KIAA0825: variants seen among roughly 807,000 people sequenced by gnomAD.
KIAA0825 encodes KIAA0825.
KIAA0825 carries 119 observed loss-of-function variants against 147.6 expected under a neutral mutation model. The ratio of observed to expected loss-of-function variants is 0.81; its 90% CI spans 0.69 to 0.94. The LOEUF (loss-of-function observed/expected upper bound fraction) is 0.94, where lower values mean the gene tolerates loss of function less well. Among genes scored for constraint, KIAA0825 ranks in the 40% least tolerant of loss-of-function variants. KIAA0825 has a pLI of 0.00. For missense variants in KIAA0825, 1,381 were observed against 1,472.7 expected (o/e 0.94, Z 1.02); for synonymous variants, 470 against 518.1 (o/e 0.91, Z 1.26).
In KIAA0825 at chr5:94,504,238, T is replaced by TA. The variant is rs761935203; in HGVS notation, c.970+16009dup. On this transcript the variant is annotated intron_variant, in intron 5 of 20. Coordinates refer to ENST00000682413, the MANE Select transcript of KIAA0825 (RefSeq NM_001145678.3). Reference sequence around the variant, plus strand: ...AAGAATAAAGGCTGTCTTAGCCTTATACTAAATTATCTCAAGTAGGTAGAG... The same window carrying TA: ...AAGAATAAAGGCTGTCTTAGCCTTATAACTAAATTATCTCAAGTAGGTAGAG... Among the ~76,000 whole-genome samples, 16 of 152,268 alleles carry TA rather than the reference T, an allele frequency of 1.1e-4. 1 individual carries two copies. In the South Asian group the frequency reaches 3.3e-3, roughly 32 times the overall value.
intron 14 of KIAA0825, among the ~76,000 whole-genome samples, chr5:94,431,202 G>A (rs1388445272): frequency 1.3e-5 from 2 of 152,166 alleles, no homozygotes; most frequent in Non-Finnish European, 2.9e-5. Context: ...TCCAGGCAAT[G>A]CACTGAGTAC....
At chr5:94,578,099 T>G (rs772668259) in intron 2 of KIAA0825, among the ~76,000 whole-genome samples, 3 of 152,216 alleles carry the variant, frequency 2.0e-5, no homozygotes, top group Non-Finnish European at 4.4e-5. Context: ...TATCCCTTTA[T>G]GTGGTGAGCT....
chr5:94,326,855 T>C (rs1389460044), intron 20 of KIAA0825, among the ~76,000 whole-genome samples: 3 of 152,224 alleles, frequency 2.0e-5, no homozygotes, highest in Non-Finnish European at 4.4e-5. Flanking sequence ...CACTCTGGCC[T>C]GTAAACTAGG....
chr5:94,201,616 G>GT (rs559774245), intron 20 of KIAA0825, among the ~76,000 whole-genome samples: 9,210 of 143,152 alleles, frequency 0.064, 913 homozygotes, highest in African/African-American at 0.21. Context: ...TGGTTTTTTG[G>GT]TTTTTTTTTT....
intron 2 of KIAA0825, among the ~76,000 whole-genome samples, chr5:94,551,280 A>G (rs1775489277): frequency 6.6e-6 from 1 of 152,052 alleles, no homozygotes; most frequent in South Asian, 2.1e-4. Context: ...AAGGACAAAG[A>G]TATACAAACC....
chr5:94,435,327 T>G, intron 14 of KIAA0825, among the ~76,000 whole-genome samples: 1 of 130,574 alleles, frequency 7.7e-6, no homozygotes, highest in Non-Finnish European at 1.6e-5. Flanking sequence ...TGTTGTTTCC[T>G]GCATGTGTTC....
chr5:94,411,143 T>C (rs1249614471), intron 15 of KIAA0825, among the ~76,000 whole-genome samples: 2 of 152,114 alleles, frequency 1.3e-5, no homozygotes, highest in Non-Finnish European at 2.9e-5. Context: ...TATAATGTTA[T>C]TAAAAAGTAA....
At chr5:94,520,122 T>A (rs1355420415) in intron 5 of KIAA0825, 126 bp downstream of exon 5, 1 of 1,242,332 alleles carries the variant, frequency 8.0e-7, no homozygotes, top group African/African-American at 1.5e-5. Flanking sequence ...ACTGCAAAAT[T>A]TCATTACATT....
intron 20 of KIAA0825, among the ~76,000 whole-genome samples, chr5:94,310,194 T>C (rs1048808585): frequency 8.6e-5 from 13 of 151,696 alleles, no homozygotes; most frequent in Admixed American, 2.6e-4. Context: ...GCTTTATCTC[T>C]ATTTCTTGTT....
intron 20 of KIAA0825, among the ~76,000 whole-genome samples, chr5:94,163,381 C>G (rs1407032025): frequency 6.6e-6 from 1 of 152,062 alleles, no homozygotes; most frequent in African/African-American, 2.4e-5. Context: ...TCCCAATAAC[C>G]TTTTCCTTCT....
chr5:94,537,437 G>A lies in KIAA0825; in HGVS notation c.-1-310C>T, dbSNP rs1006806436. ...GAGGCCGAGGCGGGTGGATCACGAG[G>A]TCAGGAGATTGAGACCATCCTGGCT... On this transcript the variant is annotated intron_variant, in intron 2 of 20. Transcript: ENST00000682413. 2.6e-5 allele frequency among the ~76,000 whole-genome samples: 4 copies of A among 152,044 alleles called. No individual in the cohort carries two copies. In the East Asian group the frequency reaches 7.7e-4, roughly 29 times the overall value.
chr5:94,221,407 T>C (rs1165025567), intron 20 of KIAA0825, among the ~76,000 whole-genome samples: 1 of 152,226 alleles, frequency 6.6e-6, no homozygotes, highest in Non-Finnish European at 1.5e-5. Flanking sequence ...AGATTACTTC[T>C]GTAAAATCAG....
chr5:94,282,829 CA>C (rs557467805), intron 20 of KIAA0825, among the ~76,000 whole-genome samples: 88 of 151,308 alleles, frequency 5.8e-4, no homozygotes, highest in Non-Finnish European at 7.5e-4. Flanking sequence ...TCAGGGTATA[CA>C]ATAGTCTGTT....
intron 20 of KIAA0825, among the ~76,000 whole-genome samples, chr5:94,280,823 A>G (rs1777423479): frequency 6.6e-6 from 1 of 152,120 alleles, no homozygotes; most frequent in Non-Finnish European, 1.5e-5. Context: ...CAGCTGCTCC[A>G]CAGGTTTGGA....
At chr5:94,167,136 G>A (rs1261805117) in intron 20 of KIAA0825, among the ~76,000 whole-genome samples, 4 of 151,878 alleles carry the variant, frequency 2.6e-5, no homozygotes, top group Non-Finnish European at 4.4e-5. Flanking sequence ...ACAGGTAATC[G>A]GATGAGACCT....
chr5:94,347,173 C>A (rs7447623), intron 20 of KIAA0825, among the ~76,000 whole-genome samples: 7,737 of 152,206 alleles, frequency 0.051, 663 homozygotes, highest in African/African-American at 0.18. Flanking sequence ...AGAAGAGTCT[C>A]AGCTCAGACA....
intron 14 of KIAA0825, among the ~76,000 whole-genome samples, chr5:94,424,455 T>A (rs998823543): frequency 1.3e-5 from 2 of 151,952 alleles, no homozygotes; most frequent in African/African-American, 2.4e-5. Context: ...AGAGAAAATT[T>A]AAAAAAATTC....
chr5:94,537,511 C>T (rs1005285012), intron 2 of KIAA0825, among the ~76,000 whole-genome samples: 12 of 151,834 alleles, frequency 7.9e-5, no homozygotes, highest in African/African-American at 2.2e-4. Context: ...ACTAGTCAGG[C>T]GTGATGGTGG....
At chr5:94,197,545 C>T (rs1034700597) in intron 20 of KIAA0825, among the ~76,000 whole-genome samples, 1 of 152,148 alleles carries the variant, frequency 6.6e-6, no homozygotes, top group Admixed American at 6.5e-5. Flanking sequence ...AAATTGTTGC[C>T]AAGGCCAATG....
Sources: allele counts gnomAD v4.1 joint callset (sites outside exome capture counted in the v4.1 genomes callset), GRCh38; gene constraint gnomAD v4.1.1; transcripts MANE v1.5; gene names NCBI Gene and HGNC (gene_info 2026-07-23, HGNC 2026-07-21).